The following VWA2 variants were observed in gnomAD, a reference collection of about 807,000 sequenced individuals.
VWA2 encodes the protein von Willebrand factor A domain containing 2, also known as von Willebrand factor A domain-containing protein 2.
Under a neutral mutation model 70.4 loss-of-function variants are expected in VWA2, and 73 were observed. The observed-to-expected ratio is 1.04, with a 90% CI of 0.86 to 1.26. The LOEUF is 1.26. VWA2 is among the 50% of genes most tolerant of loss of function. The pLI is 0.00. For synonymous variants in VWA2, 407 were observed against 423.3 expected, an observed-to-expected ratio of 0.96 and a Z score of 0.47; for missense variants, 1,011 against 998.5, an observed-to-expected ratio of 1.01 and a Z score of -0.17.
chr10:114,288,424 G>A (rs1161921544), intron 11 of VWA2, among the ~76,000 whole-genome samples: 1 of 152,242 alleles, frequency 6.6e-6, no homozygotes, highest in Non-Finnish European at 1.5e-5. Context: ...GCATACTGGG[G>A]ATGGATGAAG....
In VWA2 at chr10:114,272,441, T is replaced by C. The variant is rs1236248650; in HGVS notation, c.372-299T>C. 2.0e-5 allele frequency among the ~76,000 whole-genome samples: 3 copies of C among 152,080 alleles called. No individual in the cohort carries two copies. In the East Asian group the frequency reaches 5.8e-4, roughly 29 times the overall value. ...AGATGGGAGGCAGGTGTTAGACAAATGACAAGAGCTGTCGGCCCAGAGTCA... is the reference window on the plus strand; with the variant it reads ...AGATGGGAGGCAGGTGTTAGACAAACGACAAGAGCTGTCGGCCCAGAGTCA... On this transcript the variant is annotated intron_variant, in intron 5 of 13. Coordinates refer to ENST00000392982, the MANE Select transcript of VWA2 (RefSeq NM_001272046.2).
chr10:114,288,402 A>C (rs981342659), intron 11 of VWA2, among the ~76,000 whole-genome samples: 5 of 152,196 alleles, frequency 3.3e-5, no homozygotes, highest in African/African-American at 1.2e-4. Context: ...TACAGCATCT[A>C]ATTAGTGCCC....
intron 1 of VWA2, 45 bp downstream of exon 1, chr10:114,239,614 AGTGCCG>A (rs2036939244): frequency 6.6e-6 from 1 of 152,278 alleles, no homozygotes; most frequent in African/African-American, 2.4e-5. Flanking sequence ...GGTACCCGCC[AGTGCCG>A]GCTGCCGATG....
intron 8 of VWA2, among the ~76,000 whole-genome samples, chr10:114,279,543 T>G (rs2037957790): frequency 6.6e-6 from 1 of 152,200 alleles, no homozygotes; most frequent in Admixed American, 6.5e-5. Context: ...CTGAGAAGCC[T>G]TAGGGCTGTG....
chr10:114,252,150 CA>C (rs774781443), intron 2 of VWA2, among the ~76,000 whole-genome samples: 4 of 152,136 alleles, frequency 2.6e-5, no homozygotes, highest in African/African-American at 4.8e-5. Context: ...CAATAAATGC[CA>C]TTTTTTAAAT....
At chr10:114,266,488 C>T (rs992722664) in intron 5 of VWA2, among the ~76,000 whole-genome samples, 1 of 152,222 alleles carries the variant, frequency 6.6e-6, no homozygotes, top group East Asian at 1.9e-4. Flanking sequence ...ACCCAGGACA[C>T]TTGCCTTTCC....
intron 11 of VWA2, 136 bp downstream of exon 11, chr10:114,286,647 A>G (rs1364127689): frequency 8.4e-6 from 6 of 710,336 alleles, no homozygotes; most frequent in Admixed American, 3.2e-5. Flanking sequence ...TTCAGGCACC[A>G]GTCACATAAA....
chr10:114,246,495 A>G, intron 1 of VWA2: 1 of 688,364 alleles, frequency 1.5e-6, no homozygotes, highest in South Asian at 2.0e-5. Context: ...GAGTGAAAGA[A>G]ACTCCATCTC....
rs34808735 is a variant in VWA2, at chr10:114,276,673, ATTTTTTTTTTTTTT to A, written c.567-1228_567-1215del. Among the ~76,000 whole-genome samples the A allele has an allele frequency of 2.6e-5, 3 of 113,690 alleles. No individual in the cohort carries two copies. The South Asian group carries it at 8.3e-4, about 31-fold the overall frequency. The allele number at this position is 113,690 out of a possible 152,430, so 74.6% of individuals were successfully genotyped here. On this transcript the variant is annotated intron_variant, in intron 6 of 13. Transcript: ENST00000392982. ...CAGATGTCTGCCACGACACCCAGCA[ATTTTTTTTTTTTTT>A]TTTTTTTTTTTTGTAGAGACAGGGT...
chr10:114,282,075 T>C (rs982365608), intron 8 of VWA2, among the ~76,000 whole-genome samples: 12 of 148,632 alleles, frequency 8.1e-5, no homozygotes, highest in South Asian at 4.3e-4. Context: ...AGTTGTGCAA[T>C]CTCGGCTCAC....
chr10:114,277,117 T>C (rs182379153), intron 6 of VWA2, among the ~76,000 whole-genome samples: 1 of 149,716 alleles, frequency 6.7e-6, no homozygotes, highest in Non-Finnish European at 1.5e-5. Context: ...TGGTCCACCC[T>C]GATGACTTTT....
At chr10:114,239,780 G>T (rs908947257) in intron 1 of VWA2, among the ~76,000 whole-genome samples, 4 of 152,200 alleles carry the variant, frequency 2.6e-5, no homozygotes, top group African/African-American at 9.6e-5. Flanking sequence ...CGGCGTCGGG[G>T]GAAGAGCGCA....
chr10:114,266,188 T>C (rs2133343300), intron 5 of VWA2, among the ~76,000 whole-genome samples: 1 of 151,942 alleles, frequency 6.6e-6, no homozygotes, highest in African/African-American at 2.4e-5. Context: ...TCCCAGCTAC[T>C]CGGGAGGCTG....
intron 5 of VWA2, among the ~76,000 whole-genome samples, chr10:114,266,507 G>A (rs1589754752): frequency 6.6e-6 from 1 of 152,218 alleles, no homozygotes; most frequent in East Asian, 1.9e-4. Context: ...CCAGACCGAG[G>A]CAGTCCCCCA....
rs146910200 is a variant in VWA2 at position 114,249,850 on chromosome 10, T to C, written c.52+1085T>C. Among the ~76,000 whole-genome samples, 25 of 152,326 alleles carry C rather than the reference T, an allele frequency of 1.6e-4. 1 individual carries two copies. In the East Asian group the frequency reaches 3.9e-3, roughly 24 times the overall value. Reference sequence around the variant, plus strand: ...CAGCTAAAACTTTTCAGTGACTTTCTGTGGCTCTTAAGAGGCTTTTCTCAT... The same window carrying C: ...CAGCTAAAACTTTTCAGTGACTTTCCGTGGCTCTTAAGAGGCTTTTCTCAT... On this transcript the variant is annotated intron_variant, in intron 2 of 13. Coordinates refer to ENST00000392982, the MANE Select transcript of VWA2 (RefSeq NM_001272046.2).
chr10:114,279,463 G>A (rs1248547469), intron 8 of VWA2, among the ~76,000 whole-genome samples: 1 of 152,158 alleles, frequency 6.6e-6, no homozygotes, highest in East Asian at 1.9e-4. Context: ...TGAATCAGCT[G>A]CATCTTTACC....
intron 1 of VWA2, among the ~76,000 whole-genome samples, chr10:114,241,944 T>A (rs2036981106): frequency 7.6e-6 from 1 of 131,584 alleles, no homozygotes; most frequent in Non-Finnish European, 1.6e-5. Context: ...TGTTGGTGAT[T>A]GTGTGTGTGC....
intron 1 of VWA2, among the ~76,000 whole-genome samples, chr10:114,244,839 T>C (rs751979056): frequency 6.6e-6 from 1 of 152,248 alleles, no homozygotes; most frequent in African/African-American, 2.4e-5. Context: ...GTGAGTGCAA[T>C]GATGCCCTGA....
chr10:114,245,649 T>G (rs1296923905), intron 1 of VWA2, among the ~76,000 whole-genome samples: 4 of 152,216 alleles, frequency 2.6e-5, no homozygotes, highest in Non-Finnish European at 5.9e-5. Flanking sequence ...TCTTTCTTGC[T>G]GGCATGCACA....
Sources: allele counts gnomAD v4.1 joint callset (sites outside exome capture counted in the v4.1 genomes callset), GRCh38; gene constraint gnomAD v4.1.1; transcripts MANE v1.5; gene names NCBI Gene and HGNC (gene_info 2026-07-23, HGNC 2026-07-21).